The following SPATA17 variants were observed in gnomAD, a reference collection of about 807,000 sequenced individuals.
The protein encoded by SPATA17 is spermatogenesis associated 17.
A neutral mutation model predicts 62.2 loss-of-function variants in SPATA17; 53 were observed. The ratio of observed to expected loss-of-function variants is 0.85; its 90% CI spans 0.68 to 1.07. The LOEUF (loss-of-function observed/expected upper bound fraction) is 1.07, where lower values mean the gene tolerates loss of function less well. SPATA17 is among the 50% of genes least tolerant of loss of function. The pLI is 0.00. For missense variants in SPATA17, 466 were observed against 425.5 expected (o/e 1.10, Z -0.84); for synonymous variants, 146 against 146.8 (o/e 0.99, Z 0.04).
At chr1:217,722,264 T>A (rs1303223972) in intron 5 of SPATA17, among the ~76,000 whole-genome samples, 4 of 152,138 alleles carry the variant, frequency 2.6e-5, no homozygotes, top group African/African-American at 4.8e-5. Flanking sequence ...TCAAACAAAT[T>A]GGCAATGGTT....
chr1:217,844,992 T>G (rs1675491522), intron 9 of SPATA17, among the ~76,000 whole-genome samples: 1 of 152,106 alleles, frequency 6.6e-6, no homozygotes, highest in Admixed American at 6.6e-5. Flanking sequence ...ATAATGAATT[T>G]TAATTCTTCT....
chr1:217,800,408 C>T (rs968582873), intron 8 of SPATA17, among the ~76,000 whole-genome samples: 4 of 152,084 alleles, frequency 2.6e-5, no homozygotes, highest in African/African-American at 9.7e-5. Context: ...AGTTCAATGG[C>T]CAGTCTTTGG....
intron 8 of SPATA17, among the ~76,000 whole-genome samples, chr1:217,787,977 G>A (rs886289720): frequency 1.3e-5 from 2 of 152,098 alleles, no homozygotes; most frequent in African/African-American, 4.8e-5. Context: ...CATGAAATGG[G>A]ACCATGAAAG....
chr1:217,828,746 A>G (rs1218184964), intron 9 of SPATA17, among the ~76,000 whole-genome samples: 1 of 152,130 alleles, frequency 6.6e-6, no homozygotes, highest in Non-Finnish European at 1.5e-5. Flanking sequence ...TTACAACTCA[A>G]CAGCAAGAAA....
At chr1:217,798,626 C>T (rs1674216362) in intron 8 of SPATA17, among the ~76,000 whole-genome samples, 1 of 152,152 alleles carries the variant, frequency 6.6e-6, no homozygotes, top group African/African-American at 2.4e-5. Flanking sequence ...CACCTTGATC[C>T]TCAGTCTTAA....
At chr1:217,804,130 A>G (rs1674377784) in intron 9 of SPATA17, among the ~76,000 whole-genome samples, 1 of 152,266 alleles carries the variant, frequency 6.6e-6, no homozygotes, top group African/African-American at 2.4e-5. Context: ...AGATGGAAGC[A>G]TCACACTATC....
chr1:217,747,656 C>T (rs907556144), intron 6 of SPATA17, among the ~76,000 whole-genome samples: 9 of 151,868 alleles, frequency 5.9e-5, no homozygotes, highest in African/African-American at 2.2e-4. Context: ...TATAACTATG[C>T]ATATTTTATT....
rs750665329 is a variant in SPATA17, at chr1:217,714,488, C to CTTTTTTTTTTTTTTTTTT, written c.396-27473_396-27472insTTTTTTTTTTTTTTTTTT. On this transcript the variant is annotated intron_variant, in intron 5 of 10. Transcript: ENST00000366933. ...TGAGTTGAACGTGGAAAACGTGTTTCTTTTTTTTTTTTTTGAGACAGAGTC... is the reference window on the plus strand; with the variant it reads ...TGAGTTGAACGTGGAAAACGTGTTTCTTTTTTTTTTTTTTTTTTTTTTTTTTTTTTTTGAGACAGAGTC... Among the ~76,000 whole-genome samples the CTTTTTTTTTTTTTTTTTT allele has an allele frequency of 7.9e-3, 956 of 121,282 alleles. 106 individuals carry two copies. The highest frequency in any genetic ancestry group is 0.013 in the Non-Finnish European group (761 of 58,166). 79.6% of individuals were successfully genotyped at this position (121,282 alleles called of 152,430 possible). A position where few individuals can be genotyped will look rare whatever the true frequency, so the allele number is the denominator to read the frequency against.
intron 4 of SPATA17, among the ~76,000 whole-genome samples, chr1:217,674,574 T>C (rs993644270): frequency 2.6e-5 from 4 of 152,214 alleles, no homozygotes; most frequent in African/African-American, 9.7e-5. Flanking sequence ...CCTGCAGGGC[T>C]TGCAGCCACT....
In SPATA17 at chr1:217,734,979, G is replaced by T. The variant is rs904065463; in HGVS notation, c.396-6996G>T. Among the ~76,000 whole-genome samples the T allele has an allele frequency of 2.8e-4, 42 of 152,166 alleles. 1 individual carries two copies. The highest frequency in any genetic ancestry group is 9.9e-4 in the African/African-American group (41 of 41,536). On this transcript the variant is annotated intron_variant, in intron 5 of 10. Coordinates refer to ENST00000366933, the MANE Select transcript of SPATA17 (RefSeq NM_138796.4). The stretch of plus-strand genomic sequence containing the variant: ...AACCTAGGCAAAGAGCTGGAGTTCT[G>T]GTTCTACCCCCGCTTCCCAACAGAG...
intron 9 of SPATA17, among the ~76,000 whole-genome samples, chr1:217,836,985 A>C (rs1243069503): frequency 1.3e-5 from 2 of 152,158 alleles, no homozygotes; most frequent in Non-Finnish European, 1.5e-5. Flanking sequence ...TCTTTAAAAA[A>C]ATTAAAGATT....
intron 9 of SPATA17, among the ~76,000 whole-genome samples, chr1:217,850,949 A>G (rs938171232): frequency 4.7e-4 from 72 of 152,196 alleles, no homozygotes; most frequent in African/African-American, 1.5e-3. Flanking sequence ...CATTCAGGGT[A>G]GGGAAATTTA....
chr1:217,689,059 T>A (rs1671289627), intron 5 of SPATA17, among the ~76,000 whole-genome samples: 2 of 152,116 alleles, frequency 1.3e-5, no homozygotes, highest in Admixed American at 6.6e-5. Context: ...TAAGTCATGA[T>A]TTAATACTTA....
chr1:217,850,710 C>G, intron 9 of SPATA17: 1 of 1,118,362 alleles, frequency 8.9e-7, no homozygotes, highest in Non-Finnish European at 1.3e-6. Context: ...CACACGCTCA[C>G]CCGACAAAGC....
intron 6 of SPATA17, among the ~76,000 whole-genome samples, chr1:217,749,975 CTCTCTCTCTCTATA>C (rs1354013216): frequency 2.5e-5 from 1 of 39,416 alleles, no homozygotes; most frequent in Non-Finnish European, 5.7e-5. Context: ...CTCTCTCTCT[CTCTCTCTCTCTATA>C]TATATATATA....
chr1:217,759,415 C>T (rs745486249), intron 6 of SPATA17, among the ~76,000 whole-genome samples: 37 of 151,834 alleles, frequency 2.4e-4, no homozygotes, highest in Non-Finnish European at 2.4e-4. Flanking sequence ...GCCAAGATTG[C>T]ACCATTGCAC....
At chr1:217,719,801 C>A (rs1041929429) in intron 5 of SPATA17, among the ~76,000 whole-genome samples, 2 of 152,162 alleles carry the variant, frequency 1.3e-5, no homozygotes, top group Non-Finnish European at 2.9e-5. Context: ...CCTCTCCCAA[C>A]CCATAAACAA....
At position 217,742,038 on chromosome 1, in the gene SPATA17, G is replaced by A. The variant is rs1232931929; in HGVS notation, c.459G>A (p.Arg153=). 6.2e-7 allele frequency: 1 copy of A among 1,614,088 alleles called. No individual in the cohort carries two copies. The part of the protein sequence containing the change: ...EREEKKANLE[R]EEKKRDYQAR... Reference sequence around the variant, plus strand: ...AAGAGAAGAAGGCTAACCTCGAAAGGGAAGAGAAGAAAAGAGATTACCAAG... The same window carrying A: ...AAGAGAAGAAGGCTAACCTCGAAAGAGAAGAGAAGAAAAGAGATTACCAAG... Residue 153 remains arginine, a synonymous_variant, in exon 6 of 11, where the codon AGG becomes AGA. Transcript: ENST00000366933.
intron 5 of SPATA17, among the ~76,000 whole-genome samples, chr1:217,698,535 G>A (rs2102917358): frequency 6.7e-6 from 1 of 149,756 alleles, no homozygotes; most frequent in African/African-American, 2.5e-5. Context: ...AAAAAAAAAA[G>A]TTAGCCTTTG....
Sources: allele counts gnomAD v4.1 joint callset (sites outside exome capture counted in the v4.1 genomes callset), GRCh38; gene constraint gnomAD v4.1.1; transcripts MANE v1.5; gene names NCBI Gene and HGNC (gene_info 2026-07-23, HGNC 2026-07-21).